The following PALM2AKAP2 variants were observed in gnomAD, a reference collection of about 807,000 sequenced individuals.
The protein encoded by PALM2AKAP2 is PALM2-AKAP2 fusion protein.
A neutral mutation model predicts 71.5 loss-of-function variants in PALM2AKAP2; 37 were observed. The ratio of observed to expected loss-of-function variants is 0.52; its 90% CI spans 0.40 to 0.68. PALM2AKAP2 has a LOEUF of 0.68. Among genes scored for constraint, PALM2AKAP2 ranks in the 30% least tolerant of loss-of-function variants. The pLI is 0.00. For synonymous variants in PALM2AKAP2, 468 were observed against 478.8 expected (o/e 0.98, Z 0.29); for missense variants, 1,224 against 1,191.8 (o/e 1.03, Z -0.40).
chr9:109,888,525 A>G (rs1239796457), intron 3 of PALM2AKAP2, among the ~76,000 whole-genome samples: 1 of 152,066 alleles, frequency 6.6e-6, no homozygotes, highest in Non-Finnish European at 1.5e-5. Context: ...CCTGGCCAAC[A>G]TGGTGAAACC....
chr9:109,951,311 T>C (rs552590757), intron 6 of PALM2AKAP2, among the ~76,000 whole-genome samples: 11 of 152,338 alleles, frequency 7.2e-5, no homozygotes, highest in Non-Finnish European at 1.3e-4. Context: ...CTGTACTTTG[T>C]AACCTGAAGT....
At chr9:109,657,333 G>A (rs984991371) in intron 1 of PALM2AKAP2, among the ~76,000 whole-genome samples, 1 of 152,212 alleles carries the variant, frequency 6.6e-6, no homozygotes, top group Non-Finnish European at 1.5e-5. Context: ...GAGGGAGAAT[G>A]TTCACACTTT....
chr9:110,051,799 A>G (rs16914725), intron 1 of PALM2AKAP2, among the ~76,000 whole-genome samples: 14,743 of 152,242 alleles, frequency 0.097, 726 homozygotes, highest in Middle Eastern at 0.2. Context: ...CTCACTGCTT[A>G]GATTGTTGAT....
chr9:109,700,533 A>G (rs529248548), intron 1 of PALM2AKAP2, among the ~76,000 whole-genome samples: 2 of 152,310 alleles, frequency 1.3e-5, no homozygotes, highest in Admixed American at 6.5e-5. Context: ...CCAATATTTT[A>G]AATGATTTTT....
chr9:109,925,339 A>G (rs1335177797), intron 5 of PALM2AKAP2, among the ~76,000 whole-genome samples: 1 of 151,832 alleles, frequency 6.6e-6, no homozygotes, highest in Non-Finnish European at 1.5e-5. Flanking sequence ...CATTAGTCCC[A>G]ACACTCACTG....
intron 1 of PALM2AKAP2, among the ~76,000 whole-genome samples, chr9:109,737,623 G>T (rs1054301796): frequency 6.6e-6 from 1 of 152,232 alleles, no homozygotes; most frequent in African/African-American, 2.4e-5. Flanking sequence ...CTAGGGCTTT[G>T]CTAATTTTAG....
At chr9:110,035,778 AAC>A (rs1194654118) in intron 7 of PALM2AKAP2, among the ~76,000 whole-genome samples, 3 of 121,964 alleles carry the variant, frequency 2.5e-5, no homozygotes, top group African/African-American at 1.1e-4. Context: ...TGTTATATGT[AAC>A]ATATATAGGA....
chr9:109,956,790 G>C (rs1276987679), intron 6 of PALM2AKAP2, among the ~76,000 whole-genome samples: 2 of 152,162 alleles, frequency 1.3e-5, no homozygotes, highest in East Asian at 3.9e-4. Context: ...AGATGGGAGT[G>C]AAAGAGAATC....
chr9:109,675,563 C>T (rs192043558), intron 1 of PALM2AKAP2, among the ~76,000 whole-genome samples: 62 of 152,270 alleles, frequency 4.1e-4, no homozygotes, highest in African/African-American at 1.3e-3. Flanking sequence ...CTTTTTACTA[C>T]ATATTAACAA....
intron 1 of PALM2AKAP2, among the ~76,000 whole-genome samples, chr9:109,816,201 T>A (rs541148987): frequency 3.9e-5 from 6 of 152,190 alleles, no homozygotes; most frequent in Non-Finnish European, 8.8e-5. Flanking sequence ...AGGTGTTTGA[T>A]CTTGGGAAAT....
At chr9:109,869,796 C>T (rs76428717) in intron 2 of PALM2AKAP2, among the ~76,000 whole-genome samples, 2,763 of 152,266 alleles carry the variant, frequency 0.018, 48 homozygotes, top group East Asian at 0.083. Flanking sequence ...GTAAAATTCT[C>T]ACACAGTTGA....
intron 1 of PALM2AKAP2, among the ~76,000 whole-genome samples, chr9:109,659,142 A>AT (rs59068219): frequency 0.1 from 15,289 of 152,186 alleles, 1,386 homozygotes; most frequent in African/African-American, 0.25. Context: ...ATGTAATGGG[A>AT]TTTTTTTGTG....
At position 109,767,905 on chromosome 9, in the gene PALM2AKAP2, A is replaced by C. The variant is rs920533905; in HGVS notation, c.6-12583A>C. ...GTTCAAAGCGTGGGCTAATACATTT[A>C]GCAGGATGGAAGGAGGGAAGGTGGG... On this transcript the variant is annotated intron_variant, in intron 1 of 6. Coordinates refer to the PALM2AKAP2 transcript ENST00000374531. 1.7e-4 allele frequency among the ~76,000 whole-genome samples: 7 copies of C among 41,358 alleles called. No individual in the cohort carries two copies. The African/African-American group carries it at 2.0e-3, about 12-fold the overall frequency. 27.1% of individuals were successfully genotyped at this position (41,358 alleles called of 152,430 possible). A position where few individuals can be genotyped will look rare whatever the true frequency, so the allele number is the denominator to read the frequency against.
chr9:109,868,666 G>T (rs776287876), intron 2 of PALM2AKAP2, among the ~76,000 whole-genome samples: 21 of 152,142 alleles, frequency 1.4e-4, no homozygotes, highest in Non-Finnish European at 1.3e-4. Context: ...ATAGCAGCAT[G>T]ACCTATATCT....
intron 1 of PALM2AKAP2, among the ~76,000 whole-genome samples, chr9:109,643,814 T>C (rs1260462210): frequency 6.6e-6 from 1 of 152,182 alleles, no homozygotes; most frequent in African/African-American, 2.4e-5. Flanking sequence ...AAGAAATACC[T>C]GAGACAGGGT....
chr9:109,806,238 C>T (rs1827569317), intron 1 of PALM2AKAP2, among the ~76,000 whole-genome samples: 1 of 152,158 alleles, frequency 6.6e-6, no homozygotes, highest in Non-Finnish European at 1.5e-5. Flanking sequence ...GATTTATTTA[C>T]AAAAGTGGTC....
At chr9:110,116,389 C>CATGTGTGT (rs1835363657) in intron 1 of PALM2AKAP2, among the ~76,000 whole-genome samples, 2 of 150,162 alleles carry the variant, frequency 1.3e-5, no homozygotes, top group Admixed American at 1.3e-4. Context: ...TGTGTGTGTG[C>CATGTGTGT]GCATGTGTGT....
chr9:109,724,399 T>C (rs1207640565), intron 1 of PALM2AKAP2, among the ~76,000 whole-genome samples: 1 of 152,192 alleles, frequency 6.6e-6, no homozygotes, highest in East Asian at 1.9e-4. Context: ...AAAATTCATT[T>C]ATATGTACAG....
At chr9:110,011,846 A>G (rs1247184140) in intron 6 of PALM2AKAP2, among the ~76,000 whole-genome samples, 1 of 152,170 alleles carries the variant, frequency 6.6e-6, no homozygotes, top group African/African-American at 2.4e-5. Context: ...CCCAAGTCCA[A>G]GTGGGATGTC....
Sources: gnomAD v4.1 joint callset for allele counts (sites outside exome capture counted in the v4.1 genomes callset) on GRCh38, gnomAD v4.1.1 for gene constraint, MANE v1.5 for transcripts, NCBI Gene and HGNC (gene_info 2026-07-23, HGNC 2026-07-21) for gene names.